FHIT: variants seen among roughly 807,000 people sequenced by gnomAD.
FHIT encodes fragile histidine triad diadenosine triphosphatase.
In FHIT, 19 loss-of-function variants were observed where a neutral mutation model predicts 17.9. That is an observed-to-expected ratio of 1.06 (90% CI 0.74 to 1.56). The LOEUF (loss-of-function observed/expected upper bound fraction) is 1.56. FHIT is among the 40% of genes most tolerant of loss of function. The pLI is 0.00. For synonymous variants in FHIT, 81 were observed against 69.7 expected (o/e 1.16, Z -0.81); for missense variants, 248 against 189.2 (o/e 1.31, Z -1.82).
At chr3:59,767,353 G>T (rs749046142) in intron 8 of FHIT, among the ~76,000 whole-genome samples, 1 of 152,120 alleles carries the variant, frequency 6.6e-6, no homozygotes, top group Non-Finnish European at 1.5e-5. Context: ...GCAAAAATTA[G>T]CCAGGTGGGG....
chr3:60,612,090 A>C (rs2038802993), intron 4 of FHIT, among the ~76,000 whole-genome samples: 1 of 151,962 alleles, frequency 6.6e-6, no homozygotes, highest in Admixed American at 6.6e-5. Flanking sequence ...GCCTATCCTG[A>C]CTTCTTACCC....
At chr3:60,905,115 A>G (rs782700588) in intron 3 of FHIT, among the ~76,000 whole-genome samples, 2 of 152,136 alleles carry the variant, frequency 1.3e-5, no homozygotes, top group Non-Finnish European at 2.9e-5. Context: ...ATATTACTCT[A>G]ACATAAGAGG....
At chr3:60,041,598 T>C (rs1701441858) in intron 5 of FHIT, among the ~76,000 whole-genome samples, 1 of 152,144 alleles carries the variant, frequency 6.6e-6, no homozygotes, top group East Asian at 1.9e-4. Flanking sequence ...TCTCAATTAG[T>C]CTATGGGACC....
intron 3 of FHIT, among the ~76,000 whole-genome samples, chr3:60,890,003 G>C (rs1705428904): frequency 6.6e-6 from 1 of 152,026 alleles, no homozygotes; most frequent in Non-Finnish European, 1.5e-5. Flanking sequence ...TTTTCAGTCA[G>C]AGTTTATGAA....
At chr3:59,868,661 G>T in intron 8 of FHIT, among the ~76,000 whole-genome samples, 1 of 152,092 alleles carries the variant, frequency 6.6e-6, no homozygotes, top group East Asian at 1.9e-4. Context: ...TGAACTCAGT[G>T]GCATTCAGAA....
At chr3:60,349,808 AACTTACCGT>A (rs1161366826) in intron 5 of FHIT, among the ~76,000 whole-genome samples, 3 of 152,214 alleles carry the variant, frequency 2.0e-5, no homozygotes, top group African/African-American at 7.2e-5. Context: ...TTCATAAGGT[AACTTACCGT>A]AAATCATATA....
chr3:60,620,583 T>TG (rs2039093378), intron 4 of FHIT, among the ~76,000 whole-genome samples: 1 of 148,008 alleles, frequency 6.8e-6, no homozygotes, highest in African/African-American at 2.5e-5. Context: ...TGGGATACAT[T>TG]GGAAAAAAAA....
intron 4 of FHIT, among the ~76,000 whole-genome samples, chr3:60,679,185 C>T (rs1357579005): frequency 1.3e-5 from 2 of 152,000 alleles, no homozygotes; most frequent in African/African-American, 4.8e-5. Flanking sequence ...GAAATCTGCC[C>T]TACTATTTCA....
At chr3:60,383,622 A>G (rs1458789536) in intron 5 of FHIT, among the ~76,000 whole-genome samples, 1 of 152,012 alleles carries the variant, frequency 6.6e-6, no homozygotes, top group Non-Finnish European at 1.5e-5. Flanking sequence ...TATCATTTAA[A>G]TGATTATTCC....
intron 5 of FHIT, among the ~76,000 whole-genome samples, chr3:60,158,287 A>G (rs1203680189): frequency 6.6e-6 from 1 of 151,968 alleles, no homozygotes; most frequent in Non-Finnish European, 1.5e-5. Context: ...ACCATGATAA[A>G]GTAAGACAAA....
chr3:59,842,007 A>T (rs1332210780), intron 8 of FHIT, among the ~76,000 whole-genome samples: 1 of 152,150 alleles, frequency 6.6e-6, no homozygotes, highest in Non-Finnish European at 1.5e-5. Context: ...CCATGTGCAG[A>T]ACTCTTTTTC....
chr3:59,834,830 A>G (rs1701285189), intron 8 of FHIT, among the ~76,000 whole-genome samples: 1 of 152,234 alleles, frequency 6.6e-6, no homozygotes, highest in South Asian at 2.1e-4. Context: ...AAAATATATC[A>G]ATGCATAAGT....
intron 7 of FHIT, among the ~76,000 whole-genome samples, chr3:59,954,502 T>C (rs1329178635): frequency 1.3e-5 from 2 of 152,146 alleles, no homozygotes; most frequent in Non-Finnish European, 2.9e-5. Context: ...AGGAGTGCTG[T>C]GCAAAGTGCT....
intron 3 of FHIT, among the ~76,000 whole-genome samples, chr3:60,951,488 G>A (rs1708883763): frequency 1.3e-5 from 2 of 152,154 alleles, no homozygotes; most frequent in South Asian, 4.1e-4. Context: ...AGCAAACGAA[G>A]AGGAAAAACC....
At chr3:59,817,103 G>A (rs1036603735) in intron 8 of FHIT, among the ~76,000 whole-genome samples, 3 of 152,144 alleles carry the variant, frequency 2.0e-5, no homozygotes, top group Non-Finnish European at 2.9e-5. Flanking sequence ...GTAGATAGGA[G>A]GTTTAGCAGA....
intron 1 of FHIT, among the ~76,000 whole-genome samples, chr3:61,211,983 C>T (rs772634858): frequency 6.6e-6 from 1 of 152,158 alleles, no homozygotes; most frequent in Non-Finnish European, 1.5e-5. Context: ...ACAGAAAGGA[C>T]ATCCACACCA....
intron 4 of FHIT, among the ~76,000 whole-genome samples, chr3:60,595,315 G>A (rs537050627): frequency 5.3e-5 from 8 of 151,602 alleles, no homozygotes; most frequent in African/African-American, 1.7e-4. Flanking sequence ...AGGGGAAAGC[G>A]AAACATCAGT....
At chr3:60,727,637 C>T (rs1553709932) in intron 4 of FHIT, among the ~76,000 whole-genome samples, 1 of 152,202 alleles carries the variant, frequency 6.6e-6, no homozygotes, top group African/African-American at 2.4e-5. Context: ...TGTCCTATTA[C>T]TAAAATATTA....
chr3:60,048,611 C>T (rs543806379), intron 5 of FHIT, among the ~76,000 whole-genome samples: 11 of 152,290 alleles, frequency 7.2e-5, no homozygotes, highest in East Asian at 5.8e-4. Flanking sequence ...TTCTACAAAA[C>T]GCAACGGTGG....
Sources: gnomAD v4.1 joint callset for allele counts (sites outside exome capture counted in the v4.1 genomes callset) on GRCh38, gnomAD v4.1.1 for gene constraint, MANE v1.5 for transcripts, NCBI Gene and HGNC (gene_info 2026-07-23, HGNC 2026-07-21) for gene names.